Variants in FOXP1 observed in about 807,000 individuals in gnomAD.
FOXP1 encodes forkhead box P1.
A neutral mutation model predicts 98.2 loss-of-function variants in FOXP1; 15 were observed. That is an observed-to-expected ratio of 0.15 (90% CI 0.10 to 0.24). The LOEUF (loss-of-function observed/expected upper bound fraction) is 0.24. FOXP1 is among the 10% of genes least tolerant of loss of function. The pLI is 1.00. For synonymous variants in FOXP1, 371 were observed against 314.5 expected, an observed-to-expected ratio of 1.18 and a Z score of -1.90; for missense variants, 633 against 848.5, an observed-to-expected ratio of 0.75 and a Z score of 3.15.
At chr3:71,568,045 A>G (rs1578212543) in intron 2 of FOXP1, 1 of 71,836 alleles carries the variant, frequency 1.4e-5, no homozygotes, top group Admixed American at 2.1e-4. Flanking sequence ...AGGGGAGGGG[A>G]GGGGAGGGGA....
At chr3:71,395,507 C>A (rs946503072) in intron 3 of FOXP1, among the ~76,000 whole-genome samples, 5 of 151,776 alleles carry the variant, frequency 3.3e-5, no homozygotes, top group African/African-American at 1.2e-4. Flanking sequence ...AAAGTCACCT[C>A]CTCTGAGAAG....
At chr3:71,232,294 G>A (rs545680318) in intron 5 of FOXP1, among the ~76,000 whole-genome samples, 20 of 152,342 alleles carry the variant, frequency 1.3e-4, no homozygotes, top group Admixed American at 6.5e-4. Flanking sequence ...ATCAGTGGCT[G>A]GCACTCCTTG....
chr3:71,565,211 A>G (rs2046820525), intron 2 of FOXP1, among the ~76,000 whole-genome samples: 1 of 152,192 alleles, frequency 6.6e-6, no homozygotes, highest in African/African-American at 2.4e-5. Flanking sequence ...GGGTTAAAAA[A>G]AGGATGAGAA....
chr3:71,022,389 G>A (rs2045565488), intron 11 of FOXP1, among the ~76,000 whole-genome samples: 1 of 152,060 alleles, frequency 6.6e-6, no homozygotes, highest in South Asian at 2.1e-4. Context: ...ATTACATTAA[G>A]CTATAAAATA....
At chr3:70,966,192 G>T in intron 19 of FOXP1, 136 bp from the exon 20 acceptor site, 21 of 808,712 alleles carry the variant, frequency 2.6e-5, no homozygotes, top group East Asian at 2.9e-5. Flanking sequence ...TCTAAGAGGT[G>T]TTGAAAGATT....
chr3:71,539,535 T>G (rs1177136493), intron 2 of FOXP1, among the ~76,000 whole-genome samples: 1 of 151,706 alleles, frequency 6.6e-6, no homozygotes, highest in Non-Finnish European at 1.5e-5. Flanking sequence ...GGGATTTTGG[T>G]AGGGACTGCA....
At position 71,041,530 on chromosome 3, in the gene FOXP1, T is replaced by G. The variant is rs780021605; in HGVS notation, c.667A>C (p.Met223Leu). The G allele has an allele frequency of 6.2e-7, 1 of 1,613,674 alleles. No homozygotes were observed. The highest frequency in any genetic ancestry group is 2.2e-5 in the East Asian group (1 of 44,876). Reference protein sequence around the residue: ...ALPLQPLAQGMIPTELQQLWK... With the variant: ...ALPLQPLAQGLIPTELQQLWK... ...AGCTGCTGCAGTTCTGTTGGAATCA[T>G]GCCTGAAACAAACAAATTGGATAAT... The change falls in exon 11 of 21, where the codon ATG becomes CTG. Residue 223 changes from methionine (M) to leucine (L), a missense_variant and splice_region_variant. By Grantham distance (15) the Met-to-Leu change is conservative (BLOSUM62 2). Around this residue, in one of 6 missense-constraint regions of FOXP1, gnomAD observed 210 missense variants for 270.6 expected, o/e 0.78. Coordinates refer to ENST00000649528, the MANE Select transcript of FOXP1 (RefSeq NM_001349338.3).
chr3:71,250,039 T>C (rs184148727), intron 5 of FOXP1, among the ~76,000 whole-genome samples: 10 of 152,338 alleles, frequency 6.6e-5, no homozygotes, highest in African/African-American at 2.4e-4. Context: ...ACTGAGGAGC[T>C]GGGGGCCACA....
At chr3:71,555,164 C>T (rs1294718899) in intron 2 of FOXP1, among the ~76,000 whole-genome samples, 1 of 152,190 alleles carries the variant, frequency 6.6e-6, no homozygotes, top group Non-Finnish European at 1.5e-5. Flanking sequence ...TAAGAACACT[C>T]AGACTGCTTC....
At chr3:71,553,267 G>A (rs1013947469) in intron 2 of FOXP1, among the ~76,000 whole-genome samples, 1 of 151,988 alleles carries the variant, frequency 6.6e-6, no homozygotes, top group Non-Finnish European at 1.5e-5. Flanking sequence ...GAATATCTTT[G>A]ACAAATATTT....
chr3:71,087,920 T>G (rs2055312724), intron 7 of FOXP1, among the ~76,000 whole-genome samples: 1 of 152,136 alleles, frequency 6.6e-6, no homozygotes, highest in Non-Finnish European at 1.5e-5. Flanking sequence ...TTGTAAAATC[T>G]TTGTGGGGAG....
intron 3 of FOXP1, among the ~76,000 whole-genome samples, chr3:71,381,988 TA>T (rs113301811): frequency 0.043 from 6,479 of 152,164 alleles, 369 homozygotes; most frequent in African/African-American, 0.13. Context: ...CCTTTAAAAA[TA>T]TGAAAACAGG....
At chr3:71,369,422 T>A (rs2079141329) in intron 3 of FOXP1, among the ~76,000 whole-genome samples, 1 of 151,764 alleles carries the variant, frequency 6.6e-6, no homozygotes, top group Non-Finnish European at 1.5e-5. Flanking sequence ...AGAAACGGAG[T>A]CTCGCTCTGT....
chr3:71,303,027 G>A (rs1178203732), intron 4 of FOXP1, among the ~76,000 whole-genome samples: 9 of 151,980 alleles, frequency 5.9e-5, no homozygotes, highest in South Asian at 2.1e-4. Flanking sequence ...TATAATACAC[G>A]GTGTCCACTA....
intron 3 of FOXP1, among the ~76,000 whole-genome samples, chr3:71,483,547 C>T (rs1018480162): frequency 6.6e-6 from 1 of 152,178 alleles, no homozygotes; most frequent in Non-Finnish European, 1.5e-5. Flanking sequence ...AATCCTACTA[C>T]TACTTAGTGA....
chr3:71,308,803 GTGT>G (rs2074483357), intron 4 of FOXP1, among the ~76,000 whole-genome samples: 2 of 136,360 alleles, frequency 1.5e-5, no homozygotes, highest in African/African-American at 5.2e-5. Flanking sequence ...GTGTGTGTGT[GTGT>G]GGGTGAGGGG....
intron 5 of FOXP1, among the ~76,000 whole-genome samples, chr3:71,211,461 C>T (rs917940455): frequency 6.6e-6 from 1 of 152,144 alleles, no homozygotes; most frequent in Non-Finnish European, 1.5e-5. Context: ...CCCCCTTGGC[C>T]TCCTAAAGTG....
At chr3:71,165,474 A>T (rs2061357299) in intron 6 of FOXP1, among the ~76,000 whole-genome samples, 1 of 152,140 alleles carries the variant, frequency 6.6e-6, no homozygotes, top group South Asian at 2.1e-4. Flanking sequence ...AGTGGTAATA[A>T]TTTTTTCTTA....
intron 2 of FOXP1, among the ~76,000 whole-genome samples, chr3:71,542,888 G>C (rs549035254): frequency 1.8e-4 from 27 of 152,348 alleles, no homozygotes; most frequent in Admixed American, 2.0e-4. Context: ...ATGGAGGCAA[G>C]AGTGGAGGGG....
Sources: gnomAD v4.1 joint callset for allele counts (sites outside exome capture counted in the v4.1 genomes callset) on GRCh38, gnomAD v4.1.1 for gene constraint, gnomAD v4.1.1 regional missense constraint, MANE v1.5 for transcripts, NCBI Gene and HGNC (gene_info 2026-07-23, HGNC 2026-07-21) for gene names.